ZFP82: variants seen among roughly 807,000 people sequenced by gnomAD.
ZFP82 encodes the protein ZFP82 zinc finger protein.
ZFP82 carries 30 observed loss-of-function variants against 54.0 expected under a neutral mutation model. The ratio of observed to expected loss-of-function variants is 0.56; its 90% CI spans 0.42 to 0.75. ZFP82 has a LOEUF of 0.75. Among genes scored for constraint, ZFP82 ranks in the 30% least tolerant of loss-of-function variants. The pLI, the probability that ZFP82 is intolerant of heterozygous loss-of-function variation, is 0.00. For missense variants in ZFP82, 500 were observed against 636.8 expected (o/e 0.79, Z 2.31); for synonymous variants, 194 against 209.5 (o/e 0.93, Z 0.64).
At chr19:36,402,299 T>G (rs1189946087) in intron 4 of ZFP82, among the ~76,000 whole-genome samples, 1 of 151,690 alleles carries the variant, frequency 6.6e-6, no homozygotes, top group African/African-American at 2.4e-5. Context: ...AAACCCCATC[T>G]CTACTAAAAA....
chr19:36,385,827 G>T (rs2032108938), downstream of ZFP82, among the ~76,000 whole-genome samples: 1 of 152,222 alleles, frequency 6.6e-6, no homozygotes. Flanking sequence ...GAACTAATAT[G>T]TGGTGGAAGA....
chr19:36,393,575 T>C lies in ZFP82; in HGVS notation c.765A>G (p.Glu255=), dbSNP rs2032242966. ...QKMHIGEKPY[E]CKECGKAFRV... is the part of the protein sequence containing the mutation. ...TAAAAGCCTTCCCACATTCTTTACA[T>C]TCATAGGGCTTCTCACCAATATGCA... Residue 255 remains glutamate, a synonymous_variant, in exon 5 of 5, where the codon GAA becomes GAG. Coordinates refer to ENST00000392161, the MANE Select transcript of ZFP82 (RefSeq NM_133466.4). 1 of 1,614,036 alleles carries C rather than the reference T, an allele frequency of 6.2e-7. No individual in the cohort carries two copies. Among genetic ancestry groups the C allele is most frequent in the African/African-American group, 1.3e-5 (1 of 74,912 alleles).
intron 1 of ZFP82, 50 bp from the exon 2 acceptor site, chr19:36,409,917 C>A: frequency 1.0e-6 from 1 of 966,798 alleles, no homozygotes; most frequent in Non-Finnish European, 1.6e-6. Context: ...TCAGAAATCC[C>A]CAAATGATTT....
chr19:36,393,040 G>C lies in ZFP82; in HGVS notation c.1300C>G (p.Leu434Val). The change falls in exon 5 of 5, where the codon CTT (leucine) becomes GTT (valine). Residue 434 changes from leucine (L) to valine (V), a missense_variant. By Grantham distance (32) the Leu-to-Val change is conservative (BLOSUM62 1). Coordinates refer to ENST00000392161, the MANE Select transcript of ZFP82 (RefSeq NM_133466.4). ...CTCTGATGCTGTGTGAGTTGTGAAA[G>C]TAGTCTGAAGGCCTTCCCGCATTCC... ...CKECGKAFRL[L>V]SQLTQHQSIH... is the part of the protein sequence containing the mutation. 6.2e-7 allele frequency: 1 copy of C among 1,614,156 alleles called. No individual in the cohort carries two copies. The highest frequency in any genetic ancestry group is 8.5e-7 in the Non-Finnish European group (1 of 1,180,030).
In ZFP82 at chr19:36,392,956, G is replaced by T. The variant is rs779050977; in HGVS notation, c.1384C>A (p.Arg462Ser). 7.4e-6 allele frequency: 12 copies of T among 1,613,620 alleles called. No homozygotes were observed. The highest frequency in any genetic ancestry group is 8.5e-7 in the Non-Finnish European group (1 of 1,179,874). ...CTCTGATGTAGAGTAAGTTTTTGGC[G>T]CAATCTAAAGGCCTTGCCACATTCC... Reference protein sequence around the residue: ...CKECGKAFRLRQKLTLHQSIH... With the variant: ...CKECGKAFRLSQKLTLHQSIH... The change falls in exon 5 of 5, where the codon CGC becomes AGC. Residue 462 changes from arginine (R) to serine (S), a missense_variant. Physicochemically the swap from Arg to Ser is moderately radical, Grantham distance 110 (BLOSUM62 -1). Coordinates refer to ENST00000392161, the MANE Select transcript of ZFP82 (RefSeq NM_133466.4).
At chr19:36,407,202 A>C (rs937422034) in intron 3 of ZFP82, among the ~76,000 whole-genome samples, 1 of 146,954 alleles carries the variant, frequency 6.8e-6, no homozygotes, top group East Asian at 2.0e-4. Context: ...TCAGCCTCCC[A>C]AGTAGCTGGG....
In ZFP82 at chr19:36,389,469, C is replaced by T. The variant is rs951340229; in HGVS notation, c.*3272G>A. Among the ~76,000 whole-genome samples the T allele has an allele frequency of 1.3e-5, 2 of 152,172 alleles. No individual in the cohort carries two copies. The highest frequency in any genetic ancestry group is 2.9e-5 in the Non-Finnish European group (2 of 68,024). ...AAACATTTACCAACATTTTGCTAAT[C>T]TTGTTTCATCTATCCCTCCCACCTT... On this transcript the variant is annotated 3_prime_UTR_variant, in exon 5 of 5. Transcript: ENST00000392161.
rs545993765 is a variant in ZFP82, at chr19:36,389,890, C to T, written c.*2851G>A. Among the ~76,000 whole-genome samples, 5 of 152,140 alleles carry T rather than the reference C, an allele frequency of 3.3e-5. No individual in the cohort carries two copies. The highest frequency in any genetic ancestry group is 7.3e-5 in the Non-Finnish European group (5 of 68,036). On this transcript the variant is annotated 3_prime_UTR_variant, in exon 5 of 5. Transcript: ENST00000392161. ...CCCATACTCCCAACTATCTCCTTTA[C>T]CAAACTCTCATACACCAATTCAATA...
Position 36,409,791 on chromosome 19 carries a change from G to C in ZFP82, c.-2C>G, listed in dbSNP as rs370178561. Reference sequence around the variant, plus strand: ...GAGAAAAAAACTTACAAGGGCCATGGTATAGAAATTCAAGAACTGGTCAGT... The same window carrying C: ...GAGAAAAAAACTTACAAGGGCCATGCTATAGAAATTCAAGAACTGGTCAGT... On this transcript the variant is annotated 5_prime_UTR_variant, in exon 2 of 5. Transcript: ENST00000392161. The C allele has an allele frequency of 2.5e-6, 4 of 1,613,706 alleles. No individual in the cohort carries two copies. In the African/African-American group the frequency reaches 5.3e-5, roughly 22 times the overall value.
intron 1 of ZFP82, among the ~76,000 whole-genome samples, chr19:36,413,814 A>ACC (rs1243978413): frequency 6.6e-6 from 1 of 152,204 alleles, no homozygotes; most frequent in African/African-American, 2.4e-5. Context: ...TACATAAAGC[A>ACC]CTTAAAATGG....
Position 36,405,610 on chromosome 19 carries a change from C to T in ZFP82, c.199G>A (p.Val67Ile), listed in dbSNP as rs201718619. The T allele has an allele frequency of 3.7e-6, 6 of 1,611,520 alleles. No individual in the cohort carries two copies. In the African/African-American group the frequency reaches 6.7e-5, roughly 18 times the overall value. Residue 67 changes from valine to isoleucine, a missense_variant, in exon 4 of 5, where the codon GTT (valine) becomes ATT (isoleucine). Coordinates refer to ENST00000392161, the MANE Select transcript of ZFP82 (RefSeq NM_133466.4). ...SLEQGKEPWK[V>I]VRKGRRQYPD... Reference sequence around the variant, plus strand: ...TATTGTCTTCTTCCTTTCCTCACAACTTTCCAAGGCTCTTTTCCTTGCTCC... The same window carrying T: ...TATTGTCTTCTTCCTTTCCTCACAATTTTCCAAGGCTCTTTTCCTTGCTCC...
At chr19:36,394,148 T>G in intron 4 of ZFP82, 38 bp from the exon 5 acceptor site, 1 of 1,545,412 alleles carries the variant, frequency 6.5e-7, no homozygotes, top group Non-Finnish European at 8.7e-7. Context: ...TGCTGTTTTC[T>G]TTTACTAAAA....
At chr19:36,408,051 G>T (rs1262671534) in intron 2 of ZFP82, 38 bp from the exon 3 acceptor site, 1 of 1,602,512 alleles carries the variant, frequency 6.2e-7, no homozygotes, top group Non-Finnish European at 8.5e-7. Context: ...TGAAATGGAA[G>T]AAAATGTATT....
rs1056963994 is a variant in ZFP82 at position 36,391,520 on chromosome 19, T to C, written c.*1221A>G. 1.3e-5 allele frequency: 2 copies of C among 150,932 alleles called. No homozygotes were observed. The highest frequency in any genetic ancestry group is 4.9e-5 in the African/African-American group (2 of 40,936). 9.3% of individuals were successfully genotyped at this position (150,932 alleles called of 1,614,324 possible). On this transcript the variant is annotated 3_prime_UTR_variant, in exon 5 of 5. Coordinates refer to ENST00000392161, the MANE Select transcript of ZFP82 (RefSeq NM_133466.4). ...GGTCTTGCAGTCACTCAAGCTGGAG[T>C]GCAGTGGTACAATCACAGCTCACTG...
chr19:36,415,218 GTGC>G (rs2032649436), intron 1 of ZFP82, among the ~76,000 whole-genome samples: 1 of 152,158 alleles, frequency 6.6e-6, no homozygotes, highest in Non-Finnish European at 1.5e-5. Context: ...ATGTGCACAA[GTGC>G]ACAGAAAAAA....
At chr19:36,412,195 CATT>C (rs2032593752) in intron 1 of ZFP82, among the ~76,000 whole-genome samples, 2 of 151,920 alleles carry the variant, frequency 1.3e-5, no homozygotes, top group African/African-American at 4.8e-5. Context: ...ATAAAATGAA[CATT>C]ATTAGGACAT....
rs1873113332 is a variant in ZFP82 at position 36,393,852 on chromosome 19, A to C, written c.488T>G (p.Leu163Arg). Residue 163 changes from leucine to arginine, a missense_variant, in exon 5 of 5, where the codon CTT becomes CGT. Coordinates refer to ENST00000392161, the MANE Select transcript of ZFP82 (RefSeq NM_133466.4). ...TTCATAGGGTTTATCAACAAAATGA[A>C]GTCTCTGATGTGGAGTAACAGATGT... is the stretch of plus-strand genomic sequence containing the variant. ...KRTSVTPHQR[L>R]HFVDKPYECK... The C allele has an allele frequency of 6.2e-7, 1 of 1,614,114 alleles. No individual in the cohort carries two copies. Among genetic ancestry groups the C allele is most frequent in the South Asian group, 1.1e-5 (1 of 91,090 alleles).
chr19:36,416,751 C>T (rs1201022023), intron 1 of ZFP82, among the ~76,000 whole-genome samples: 2 of 105,886 alleles, frequency 1.9e-5, no homozygotes, highest in Non-Finnish European at 3.9e-5. Context: ...AGCGAAACTC[C>T]GTCTCAAAAA....
chr19:36,390,235 A>G lies in ZFP82; in HGVS notation c.*2506T>C, dbSNP rs1221996814. 6.6e-6 allele frequency: 1 copy of G among 151,982 alleles called. No homozygotes were observed. 9.4% of individuals were successfully genotyped at this position (151,982 alleles called of 1,614,324 possible). On this transcript the variant is annotated 3_prime_UTR_variant, in exon 5 of 5. Coordinates refer to ENST00000392161, the MANE Select transcript of ZFP82 (RefSeq NM_133466.4). ...CCATGATTGATTAAAACAAATCCCA[A>G]GCGCATTTTAACACAAGGATCCTAA... is the stretch of plus-strand genomic sequence containing the variant.
Sources: allele counts gnomAD v4.1 joint callset (sites outside exome capture counted in the v4.1 genomes callset), GRCh38; gene constraint gnomAD v4.1.1; transcripts MANE v1.5; gene names NCBI Gene and HGNC (gene_info 2026-07-23, HGNC 2026-07-21).